Variants in HS6ST2 observed in about 807,000 individuals in gnomAD.
HS6ST2 encodes heparan sulfate 6-O-sulfotransferase 2.
A neutral mutation model predicts 33.0 loss-of-function variants in HS6ST2; 17 were observed. The observed-to-expected ratio is 0.52, with a 90% confidence interval of 0.35 to 0.77. HS6ST2 has a LOEUF of 0.77. Among genes scored for constraint, HS6ST2 ranks in the 30% least tolerant of loss-of-function variants. The pLI is 0.01. For synonymous variants in HS6ST2, 248 were observed against 237.1 expected (o/e 1.05, Z -0.42); for missense variants, 519 against 551.7 (o/e 0.94, Z 0.59).
At chrX:132,645,837 C>A (rs2063636760) in intron 4 of HS6ST2, among the ~76,000 whole-genome samples, 1 of 112,070 alleles carries the variant, frequency 8.9e-6, no homozygotes, top group Admixed American at 9.5e-5. Context: ...AGGAATAGCA[C>A]CCTCTTTCTC....
chrX:132,693,349 C>T (rs1003016364), intron 3 of HS6ST2, among the ~76,000 whole-genome samples: 3 of 111,891 alleles, frequency 2.7e-5, no homozygotes, highest in Admixed American at 9.5e-5. Context: ...CAGAAGTGAC[C>T]TTCATAAAAT....
At chrX:132,674,165 GT>G (rs1479147370) in intron 3 of HS6ST2, among the ~76,000 whole-genome samples, 2 of 111,586 alleles carry the variant, frequency 1.8e-5, no homozygotes, top group East Asian at 5.6e-4. Context: ...TCCTCTTCTA[GT>G]TTCCCTTTGC....
At chrX:132,852,445 A>G (rs1163079712) in intron 2 of HS6ST2, among the ~76,000 whole-genome samples, 1 of 112,044 alleles carries the variant, frequency 8.9e-6, no homozygotes, top group Non-Finnish European at 1.9e-5. Flanking sequence ...TTTCTAATCC[A>G]TTTCAGAAAG....
intron 2 of HS6ST2, among the ~76,000 whole-genome samples, chrX:132,830,466 T>C (rs2148387759): frequency 8.9e-6 from 1 of 112,022 alleles, no homozygotes; most frequent in East Asian, 2.8e-4. Context: ...TGATTTATTC[T>C]GCTAGCTGGA....
At chrX:132,830,553 T>C (rs2065578999) in intron 2 of HS6ST2, among the ~76,000 whole-genome samples, 1 of 112,479 alleles carries the variant, frequency 8.9e-6, no homozygotes, top group Middle Eastern at 4.6e-3. Context: ...TTAAGCATTC[T>C]TCATCATCCC....
intron 4 of HS6ST2, among the ~76,000 whole-genome samples, chrX:132,658,446 C>T (rs1350862835): frequency 9.0e-6 from 1 of 111,730 alleles, no homozygotes; most frequent in Non-Finnish European, 1.9e-5. Context: ...GTTTCTCTAC[C>T]TGCCTGTAAA....
At chrX:132,642,819 T>C (rs1041782797) in intron 4 of HS6ST2, among the ~76,000 whole-genome samples, 15 of 112,515 alleles carry the variant, frequency 1.3e-4, no homozygotes, top group Admixed American at 6.6e-4. Context: ...TTGAAGGTTA[T>C]GTTAATGCTG....
intron 2 of HS6ST2, among the ~76,000 whole-genome samples, chrX:132,800,268 A>T (rs1342772278): frequency 1.8e-5 from 2 of 111,285 alleles, no homozygotes; most frequent in Non-Finnish European, 3.8e-5. Flanking sequence ...CATGTGAGGG[A>T]TCTAAGTTGT....
chrX:132,957,167 C>T lies in HS6ST2; in HGVS notation c.588G>A (p.Ser196=). 3 of 1,211,725 alleles carry T rather than the reference C, an allele frequency of 2.5e-6. No homozygotes were observed. Among genetic ancestry groups the T allele is most frequent in the Non-Finnish European group, 3.4e-6 (3 of 895,425 alleles). The change falls in exon 2 of 5, where the codon TCG becomes TCA. Residue 196 remains serine, a synonymous_variant. Transcript: ENST00000370833. The part of the protein sequence containing the change: ...FSSPVPDPYR[S]EDESSARFVP... ...CGAACCTGGCGGAGCTCTCATCCTC[C>T]GAGCGGTACGGGTCCGGCACCGGGG...
Position 132,674,076 on chromosome X carries a change from T to A in HS6ST2, c.981-4877A>T, listed in dbSNP as rs2063906567. 5.4e-5 allele frequency among the ~76,000 whole-genome samples: 6 copies of A among 111,998 alleles called. No individual in the cohort carries two copies. The Admixed American group carries it at 5.7e-4, about 11-fold the overall frequency. ...ATTAGAGTCCTTGCCCCTTTAAGTATCTTACGCTCATTATCTATATTTCTG... is the reference window on the plus strand; with the variant it reads ...ATTAGAGTCCTTGCCCCTTTAAGTAACTTACGCTCATTATCTATATTTCTG... On this transcript the variant is annotated intron_variant, in intron 3 of 4. Coordinates refer to ENST00000370833, the MANE Select transcript of HS6ST2 (RefSeq NM_001394073.1).
chrX:132,706,918 AC>A (rs1357718907), intron 3 of HS6ST2, among the ~76,000 whole-genome samples: 1 of 111,587 alleles, frequency 9.0e-6, no homozygotes, highest in Non-Finnish European at 1.9e-5. Context: ...TTCCCATCTC[AC>A]CATCTGTACT....
At chrX:132,810,172 G>A (rs916009964) in intron 2 of HS6ST2, among the ~76,000 whole-genome samples, 7 of 111,593 alleles carry the variant, frequency 6.3e-5, no homozygotes, top group East Asian at 2.8e-4. Context: ...TTGACAGGCC[G>A]AGGTGGGAGG....
intron 2 of HS6ST2, among the ~76,000 whole-genome samples, chrX:132,891,485 T>C (rs1602824515): frequency 9.2e-6 from 1 of 109,170 alleles, no homozygotes; most frequent in East Asian, 2.9e-4. Flanking sequence ...GCTGCACCCA[T>C]TAACTCGTCA....
At chrX:132,682,994 G>A (rs1384865750) in intron 3 of HS6ST2, among the ~76,000 whole-genome samples, 1 of 110,106 alleles carries the variant, frequency 9.1e-6, no homozygotes, top group African/African-American at 3.3e-5. Flanking sequence ...CTTGCCTGTA[G>A]GCCCAGCTAC....
Position 132,717,168 on chromosome X carries a change from G to A in HS6ST2, c.948-8674C>T, listed in dbSNP as rs148967056. 5.2e-3 allele frequency among the ~76,000 whole-genome samples: 594 copies of A among 113,199 alleles called. 4 individuals are homozygous for A. The highest frequency in any genetic ancestry group is 0.017 in the African/African-American group (534 of 31,210). The stretch of plus-strand genomic sequence containing the variant: ...CATGAAATGGTCCATTTGGATATAT[G>A]TCACCTGCTTTCAGCAAAGGAGCTT... On this transcript the variant is annotated intron_variant, in intron 2 of 4. Coordinates refer to ENST00000370833, the MANE Select transcript of HS6ST2 (RefSeq NM_001394073.1).
At chrX:132,902,042 T>A in intron 2 of HS6ST2, among the ~76,000 whole-genome samples, 1 of 110,703 alleles carries the variant, frequency 9.0e-6, no homozygotes, top group Non-Finnish European at 1.9e-5. Context: ...CACAGTCTAA[T>A]CCAGAAGTTG....
chrX:132,797,039 C>T (rs1399842419), intron 2 of HS6ST2, among the ~76,000 whole-genome samples: 1 of 111,400 alleles, frequency 9.0e-6, no homozygotes. Context: ...CAGTAGTCCC[C>T]GATTAGCCTG....
chrX:132,944,735 C>G (rs1438554409), intron 2 of HS6ST2, among the ~76,000 whole-genome samples: 23 of 110,480 alleles, frequency 2.1e-4, no homozygotes, highest in Non-Finnish European at 3.4e-4. Flanking sequence ...ACAAACCTGA[C>G]AAAAACAAGA....
intron 2 of HS6ST2, among the ~76,000 whole-genome samples, chrX:132,790,157 G>A (rs1039282983): frequency 9.0e-6 from 1 of 111,544 alleles, no homozygotes; most frequent in Non-Finnish European, 1.9e-5. Context: ...CAATTGATGT[G>A]GCAAACTTCA....
Sources: allele counts gnomAD v4.1 joint callset (sites outside exome capture counted in the v4.1 genomes callset), GRCh38; gene constraint gnomAD v4.1.1; transcripts MANE v1.5; gene names NCBI Gene and HGNC (gene_info 2026-07-23, HGNC 2026-07-21).